The following AKAP13 variants were observed in gnomAD, a reference collection of about 807,000 sequenced individuals.
AKAP13 encodes A-kinase anchor protein 13.
In AKAP13, 80 loss-of-function variants were observed where a neutral mutation model predicts 264.5. That is an observed-to-expected ratio of 0.30 (90% CI 0.25 to 0.36). The LOEUF is 0.36. Ranked by LOEUF, AKAP13 falls within the 10% of genes least tolerant of loss-of-function variation. AKAP13 has a pLI of 1.00. For synonymous variants in AKAP13, 1,380 were observed against 1,250.2 expected (o/e 1.10, Z -2.19); for missense variants, 3,712 against 3,435.2 (o/e 1.08, Z -2.01).
At chr15:85,691,079 T>G (rs2085257435) in intron 16 of AKAP13, among the ~76,000 whole-genome samples, 1 of 152,186 alleles carries the variant, frequency 6.6e-6, no homozygotes, top group African/African-American at 2.4e-5. Flanking sequence ...ACTTCAGAGT[T>G]ATTGAGTCAG....
chr15:85,468,677 G>C (rs2074844120), intron 1 of AKAP13, among the ~76,000 whole-genome samples: 1 of 152,114 alleles, frequency 6.6e-6, no homozygotes, highest in Admixed American at 6.5e-5. Context: ...TATGAAGTCT[G>C]ACTTAAAATA....
In AKAP13 at chr15:85,581,268, T is replaced by A. The variant is rs114185694; in HGVS notation, c.3200T>A (p.Val1067Asp). 1.2e-6 allele frequency: 2 copies of A among 1,613,990 alleles called. No homozygotes were observed. The highest frequency in any genetic ancestry group is 3.3e-5 in the Admixed American group (2 of 60,004). Residue 1067 changes from valine (V) to aspartate (D), a missense_variant, in exon 7 of 37, where the codon GTT becomes GAT. Physicochemically the swap from Val to Asp is radical, Grantham distance 152. This residue lies in a region of AKAP13 where 2,759 missense variants were observed against 2,411.7 expected (regional missense o/e 1.14). Coordinates refer to ENST00000394518, the MANE Select transcript of AKAP13 (RefSeq NM_007200.5). ...LNCSQPSPLD[V>D]GVKNTQSQGK... Reference sequence around the variant, plus strand: ...TGCAGTCAGCCTTCTCCTCTGGATGTTGGAGTGAAGAACACTCAATCCCAG... The same window carrying A: ...TGCAGTCAGCCTTCTCCTCTGGATGATGGAGTGAAGAACACTCAATCCCAG...
chr15:85,400,874 ATTTT>A (rs55704204), intron 1 of AKAP13, among the ~76,000 whole-genome samples: 5 of 120,146 alleles, frequency 4.2e-5, no homozygotes, highest in South Asian at 2.5e-4. Context: ...ATATATATAT[ATTTT>A]TTTTTTTTAA....
At chr15:85,475,032 C>G (rs1218655152) in intron 1 of AKAP13, among the ~76,000 whole-genome samples, 2 of 152,114 alleles carry the variant, frequency 1.3e-5, no homozygotes, top group Non-Finnish European at 2.9e-5. Flanking sequence ...GTGTGAGAGC[C>G]TACCTGCCTA....
intron 18 of AKAP13, among the ~76,000 whole-genome samples, chr15:85,709,634 T>C (rs1317679395): frequency 6.6e-6 from 1 of 151,356 alleles, no homozygotes; most frequent in Non-Finnish European, 1.5e-5. Context: ...ATCTCCCATA[T>C]AAGAGAATAT....
chr15:85,652,555 A>C (rs533917099), intron 10 of AKAP13, among the ~76,000 whole-genome samples: 3 of 152,274 alleles, frequency 2.0e-5, no homozygotes, highest in South Asian at 2.1e-4. Context: ...TATTTTGAGA[A>C]TTAGACATTT....
chr15:85,486,930 G>A (rs2075570213), intron 2 of AKAP13, among the ~76,000 whole-genome samples: 1 of 151,958 alleles, frequency 6.6e-6, no homozygotes. Flanking sequence ...AGTAGAGACA[G>A]GGTTTTACCA....
At chr15:85,594,162 T>C (rs970263558) in intron 8 of AKAP13, among the ~76,000 whole-genome samples, 2 of 152,220 alleles carry the variant, frequency 1.3e-5, no homozygotes, top group Non-Finnish European at 2.9e-5. Context: ...ATCAGTTATA[T>C]CAGGCCACAG....
intron 17 of AKAP13, among the ~76,000 whole-genome samples, chr15:85,706,736 T>G (rs1056130983): frequency 1.3e-5 from 2 of 152,164 alleles, no homozygotes; most frequent in Non-Finnish European, 2.9e-5. Context: ...AGTCTTAATT[T>G]GAAGATTCAG....
intron 5 of AKAP13, among the ~76,000 whole-genome samples, chr15:85,558,874 G>A (rs917538351): frequency 2.6e-5 from 4 of 151,718 alleles, no homozygotes; most frequent in South Asian, 2.1e-4. Flanking sequence ...TTTGCCCCAC[G>A]AGAAAGCTAA....
chr15:85,498,220 A>ATATATATATATATATATATG, intron 2 of AKAP13, among the ~76,000 whole-genome samples: 1 of 101,904 alleles, frequency 9.8e-6, no homozygotes, highest in Non-Finnish European at 2.1e-5. Flanking sequence ...ATATATATAT[A>ATATATATATATATATATATG]TATATATCAC....
intron 14 of AKAP13, among the ~76,000 whole-genome samples, chr15:85,680,771 A>G (rs992750816): frequency 2.6e-5 from 4 of 152,202 alleles, no homozygotes; most frequent in African/African-American, 7.2e-5. Flanking sequence ...AATCTGGAAC[A>G]GTTTGAGAGT....
At chr15:85,715,725 A>G in intron 19 of AKAP13, 63 bp from the exon 20 acceptor site, 1 of 1,411,718 alleles carries the variant, frequency 7.1e-7, no homozygotes, top group Non-Finnish European at 9.5e-7. Context: ...GTTATTTGTC[A>G]GATGGGTCAG....
intron 1 of AKAP13, among the ~76,000 whole-genome samples, chr15:85,455,189 A>C (rs969495876): frequency 6.6e-6 from 1 of 152,236 alleles, no homozygotes; most frequent in South Asian, 2.1e-4. Context: ...TAGTGAACCT[A>C]ATATGGTCTG....
intron 12 of AKAP13, among the ~76,000 whole-genome samples, chr15:85,660,848 A>G (rs2083311125): frequency 6.6e-6 from 1 of 152,228 alleles, no homozygotes; most frequent in Non-Finnish European, 1.5e-5. Flanking sequence ...TTTAAATGAT[A>G]TGGTAAAGAT....
At position 85,463,350 on chromosome 15, in the gene AKAP13, A is replaced by T. The variant is rs16940049; in HGVS notation, c.-11-22360A>T. Among the ~76,000 whole-genome samples, 21 of 152,328 alleles carry T rather than the reference A, an allele frequency of 1.4e-4. No homozygotes were observed. In the East Asian group the frequency reaches 3.5e-3, roughly 25 times the overall value. ...CGTTGCCGTTTGACAAATTAAAAGG[A>T]TGCTTCTTTCACATTGAGCCTAAGA... On this transcript the variant is annotated intron_variant, in intron 1 of 36. Coordinates refer to ENST00000394518, the MANE Select transcript of AKAP13 (RefSeq NM_007200.5).
chr15:85,449,389 T>G (rs2074006762), intron 1 of AKAP13, among the ~76,000 whole-genome samples: 1 of 152,220 alleles, frequency 6.6e-6, no homozygotes, highest in Non-Finnish European at 1.5e-5. Flanking sequence ...ATAGTTTGAC[T>G]TCCTTTCTTC....
chr15:85,731,918 A>G (rs1008571740), intron 30 of AKAP13, among the ~76,000 whole-genome samples: 5 of 152,032 alleles, frequency 3.3e-5, no homozygotes, highest in Non-Finnish European at 7.4e-5. Context: ...CCCTATCCCT[A>G]CTAAAAATAC....
chr15:85,614,579 T>C (rs1023107953), intron 8 of AKAP13, among the ~76,000 whole-genome samples: 4 of 152,224 alleles, frequency 2.6e-5, no homozygotes, highest in Non-Finnish European at 2.9e-5. Context: ...TTATGTAAAA[T>C]CAAATGTAGG....
Sources: allele counts gnomAD v4.1 joint callset (sites outside exome capture counted in the v4.1 genomes callset), GRCh38; gene constraint gnomAD v4.1.1; regional missense constraint gnomAD v4.1.1; transcripts MANE v1.5; gene names NCBI Gene and HGNC (gene_info 2026-07-23, HGNC 2026-07-21).